The following LTBP4 variants were observed in gnomAD, a reference collection of about 807,000 sequenced individuals.
LTBP4 encodes the protein latent-transforming growth factor beta-binding protein 4.
Under a neutral mutation model 180.2 loss-of-function variants are expected in LTBP4, and 93 were observed. The observed-to-expected ratio is 0.52, with a 90% CI of 0.44 to 0.61. The LOEUF is 0.61. LTBP4 is among the 20% of genes least tolerant of loss of function. The pLI, the probability that LTBP4 is intolerant of heterozygous loss-of-function variation, is 0.00. For missense variants in LTBP4, 2,116 were observed against 2,256.5 expected, an observed-to-expected ratio of 0.94 and a Z score of 1.26; for synonymous variants, 947 against 934.5, an observed-to-expected ratio of 1.01 and a Z score of -0.24.
At chr19:40,621,439 G>C (rs1162303924) in intron 22 of LTBP4, among the ~76,000 whole-genome samples, 1 of 152,200 alleles carries the variant, frequency 6.6e-6, no homozygotes, top group Non-Finnish European at 1.5e-5. Context: ...CCATGTTGCT[G>C]CTAAGGACAT....
At chr19:40,601,093 G>A (rs918911745), upstream of LTBP4, among the ~76,000 whole-genome samples, 1 of 151,498 alleles carries the variant, frequency 6.6e-6, no homozygotes, top group Non-Finnish European at 1.5e-5. Context: ...AAACCCGCCC[G>A]CCCCCACCTG....
rs779308770 is a variant in LTBP4, at chr19:40,608,563, C to G, written c.1386C>G (p.Pro462=). ...GGCCCGGCCCTGAGCTTCCCTTGCC[C>G]AGCATCCCTGCCTGGACTGGTCCTG... ...DPRPGPELPL[P]SIPAWTGPEI... Residue 462 remains proline (P), a synonymous_variant, in exon 9 of 30, where the codon CCC becomes CCG. Coordinates refer to ENST00000396819, the MANE Select transcript of LTBP4 (RefSeq NM_001042545.2). 3.7e-6 allele frequency: 6 copies of G among 1,603,546 alleles called. No individual in the cohort carries two copies. The highest frequency in any genetic ancestry group is 4.3e-6 in the Non-Finnish European group (5 of 1,175,612).
At chr19:40,601,807 G>C (rs1213314315) in intron 1 of LTBP4, among the ~76,000 whole-genome samples, 170 bp downstream of exon 1, 3 of 152,188 alleles carry the variant, frequency 2.0e-5, no homozygotes, top group African/African-American at 7.2e-5. Flanking sequence ...GGCTTTTGGG[G>C]TTGGGTCCTG....
chr19:40,604,156 C>T (rs1040465760), intron 1 of LTBP4, among the ~76,000 whole-genome samples: 28 of 151,898 alleles, frequency 1.8e-4, no homozygotes, highest in Non-Finnish European at 1.5e-5. Context: ...GTGAGCCGGG[C>T]GAATCAGAGT....
chr19:40,617,731 GTTC>G (rs2081560701), intron 21 of LTBP4, among the ~76,000 whole-genome samples: 1 of 151,230 alleles, frequency 6.6e-6, no homozygotes, highest in Non-Finnish European at 1.5e-5. Flanking sequence ...TTTTGTGTGT[GTTC>G]TTTTAAAAAT....
chr19:40,599,369 GAGA>G, upstream of LTBP4: 1 of 1,610,420 alleles, frequency 6.2e-7, no homozygotes, highest in South Asian at 1.1e-5. Flanking sequence ...GCATTTGGTA[GAGA>G]AGTACTTGGT....
In LTBP4 at chr19:40,611,459, G is replaced by C. The variant is rs1288326407; in HGVS notation, c.2053+65G>C. The C allele has an allele frequency of 3.9e-6, 6 of 1,538,726 alleles. No homozygotes were observed. The highest frequency in any genetic ancestry group is 5.2e-6 in the Non-Finnish European group (6 of 1,147,776). The stretch of plus-strand genomic sequence containing the variant: ...CTGTGGAGACTGGAGAGAGATTATT[G>C]AGGGGCAGAGAGGCAGAGTGATGGG... On this transcript the variant is annotated intron_variant, in intron 13 of 29. Coordinates refer to ENST00000396819, the MANE Select transcript of LTBP4 (RefSeq NM_001042545.2). The surrounding 1 kb of genome is among the most constrained non-coding windows in gnomAD (Gnocchi z 4.4).
intron 6 of LTBP4, among the ~76,000 whole-genome samples, 187 bp from the exon 7 acceptor site, chr19:40,607,178 C>T (rs1409293098): frequency 6.6e-6 from 1 of 152,182 alleles, no homozygotes; most frequent in Non-Finnish European, 1.5e-5. Context: ...CATTGAGGCT[C>T]CAAGCCCTTC....
Position 40,613,101 on chromosome 19 carries a change from G to C in LTBP4, c.2336G>C (p.Gly779Ala). ...TGCAGTTCGGGTGCCCCTCCCTGTG[G>C]TCCCCACGGCCACTGCACTAACACC... ...DECSSGAPPC[G>A]PHGHCTNTEG... The change falls in exon 16 of 30, where the codon GGT becomes GCT. Residue 779 changes from glycine to alanine, a missense_variant. Physicochemically the swap from Gly to Ala is moderately conservative, Grantham distance 60 (BLOSUM62 0). Transcript: ENST00000396819. The surrounding 1 kb of genome is among the most constrained non-coding windows in gnomAD (Gnocchi z 5.0). 1 of 1,609,858 alleles carries C rather than the reference G, an allele frequency of 6.2e-7. No individual in the cohort carries two copies. The highest frequency in any genetic ancestry group is 1.1e-5 in the South Asian group (1 of 90,074).
intron 27 of LTBP4, 54 bp from the exon 28 acceptor site, chr19:40,626,921 G>A (rs1267391824): frequency 6.7e-7 from 1 of 1,493,116 alleles, no homozygotes; most frequent in Non-Finnish European, 8.9e-7. Flanking sequence ...GTATGTGAGT[G>A]GTGGGTGTGG....
upstream of LTBP4, chr19:40,597,451 G>T: frequency 7.2e-7 from 1 of 1,388,886 alleles, no homozygotes; most frequent in Non-Finnish European, 9.3e-7. Flanking sequence ...ACGGCTTTCG[G>T]ATTCAGGGGA....
At chr19:40,614,574 A>G in intron 19 of LTBP4, 128 bp downstream of exon 19, 2 of 1,232,004 alleles carry the variant, frequency 1.6e-6, no homozygotes, top group South Asian at 3.0e-5. Context: ...CTCTCACCGT[A>G]TCTCTGTAGT....
upstream of LTBP4, chr19:40,599,734 C>T: frequency 1.6e-6 from 1 of 610,308 alleles, no homozygotes; most frequent in Middle Eastern, 4.4e-4. Flanking sequence ...CTATCTCAGG[C>T]TCTTCCCATC....
chr19:40,604,052 C>G (rs1273294416), intron 1 of LTBP4, among the ~76,000 whole-genome samples: 1 of 152,224 alleles, frequency 6.6e-6, no homozygotes, highest in Non-Finnish European at 1.5e-5. Context: ...ACTCTAAAGC[C>G]CCAGCCAGAA....
At position 40,627,877 on chromosome 19, in the gene LTBP4, C is replaced by A. The variant is rs753099684; in HGVS notation, c.4519+20C>A. ...GCGTTGGTGAGGGCGGGCCCGGGGCCAGCATGCGCAGGGAGAGGCGAGGCT... is the reference window on the plus strand; with the variant it reads ...GCGTTGGTGAGGGCGGGCCCGGGGCAAGCATGCGCAGGGAGAGGCGAGGCT... On this transcript the variant is annotated intron_variant, in intron 29 of 29. Coordinates refer to ENST00000396819, the MANE Select transcript of LTBP4 (RefSeq NM_001042545.2). 1.5e-5 allele frequency: 24 copies of A among 1,549,930 alleles called. No individual in the cohort carries two copies. The highest frequency in any genetic ancestry group is 2.0e-5 in the Non-Finnish European group (23 of 1,153,886).
Position 40,622,480 on chromosome 19 carries a change from C to T in LTBP4, c.3297C>T (p.Arg1099=). 1 of 1,609,672 alleles carries T rather than the reference C, an allele frequency of 6.2e-7. No homozygotes were observed. Among genetic ancestry groups the T allele is most frequent in the Middle Eastern group, 1.7e-4 (1 of 5,966 alleles). ...PARPPPPPLP[R]RPSTPRQGPV... ...GGCCACCTCCGCCACCCCTGCCCCG[C>T]CGACCCAGCACACCTAGGCAGGGCC... The change falls in exon 23 of 30, where the codon CGC becomes CGT. Residue 1099 remains arginine, a synonymous_variant. Coordinates refer to ENST00000396819, the MANE Select transcript of LTBP4 (RefSeq NM_001042545.2). This position sits in a 1 kb window ranked among gnomAD's most constrained non-coding sequence, Gnocchi z 5.1.
At position 40,627,023 on chromosome 19, in the gene LTBP4, C is replaced by T. The variant is rs199678003; in HGVS notation, c.4034C>T (p.Pro1345Leu). The stretch of plus-strand genomic sequence containing the variant: ...GTGCTACGCCCCCCCGCATATAGCC[C>T]CCCGCGACCAGGTGGCTTTGGACTC... Reference protein sequence around the residue: ...CNVLRPPAYSPPRPGGFGLPY... With the variant: ...CNVLRPPAYSLPRPGGFGLPY... Residue 1345 changes from proline to leucine, a missense_variant, in exon 28 of 30, where the codon CCC becomes CTC. This residue lies in a region of LTBP4 where 488 missense variants were observed against 458.8 expected (regional missense o/e 1.06). Transcript: ENST00000396819. 5.6e-6 allele frequency: 9 copies of T among 1,601,960 alleles called. No homozygotes were observed. Among genetic ancestry groups the T allele is most frequent in the African/African-American group, 2.7e-5 (2 of 74,816 alleles).
At chr19:40,617,516 T>C (rs1319624499) in intron 21 of LTBP4, among the ~76,000 whole-genome samples, 2 of 151,948 alleles carry the variant, frequency 1.3e-5, no homozygotes, top group African/African-American at 4.8e-5. Flanking sequence ...TGGTGGCAAA[T>C]GCCTGTAATC....
At position 40,617,643 on chromosome 19, in the gene LTBP4, C is replaced by CAA. The variant is rs56053315; in HGVS notation, c.3070+442_3070+443dup. On this transcript the variant is annotated intron_variant, in intron 21 of 29. Transcript: ENST00000396819. ...TGGGTGACAGAGTGAGACCCTGTCT[C>CAA]AAAAAAAAAAAAAAAAAAAAAAAAA... Among the ~76,000 whole-genome samples the CAA allele has an allele frequency of 9.9e-3, 1,172 of 118,162 alleles. 27 individuals carry two copies. The highest frequency in any genetic ancestry group is 0.03 in the African/African-American group (1,038 of 34,512). 77.5% of individuals were successfully genotyped at this position (118,162 alleles called of 152,430 possible).
Sources: gnomAD v4.1 joint callset for allele counts (sites outside exome capture counted in the v4.1 genomes callset) on GRCh38, gnomAD v4.1.1 for gene constraint, gnomAD v4.1.1 regional missense constraint, Gnocchi (gnomAD v3.1) non-coding constraint, MANE v1.5 for transcripts, NCBI Gene and HGNC (gene_info 2026-07-23, HGNC 2026-07-21) for gene names.